Variants in CCDC178 observed in about 807,000 individuals in gnomAD.
CCDC178 encodes coiled-coil domain-containing protein 178.
A neutral mutation model predicts 117.4 loss-of-function variants in CCDC178; 126 were observed. The ratio of observed to expected loss-of-function variants is 1.07; its 90% confidence interval spans 0.93 to 1.24. The LOEUF is 1.24. CCDC178 is among the 50% of genes most tolerant of loss of function. CCDC178 has a pLI of 0.00. For missense variants in CCDC178, 1,030 were observed against 986.9 expected, an observed-to-expected ratio of 1.04 and a Z score of -0.59; for synonymous variants, 283 against 313.4, an observed-to-expected ratio of 0.90 and a Z score of 1.02.
At chr18:33,155,054 A>G (rs567976873) in intron 20 of CCDC178, among the ~76,000 whole-genome samples, 2 of 152,246 alleles carry the variant, frequency 1.3e-5, no homozygotes, top group South Asian at 4.1e-4. Flanking sequence ...GTGTCTAACA[A>G]TTGCAGAATA....
At chr18:33,094,691 G>T (rs781696117) in intron 20 of CCDC178, among the ~76,000 whole-genome samples, 21 of 151,872 alleles carry the variant, frequency 1.4e-4, no homozygotes, top group Non-Finnish European at 3.1e-4. Flanking sequence ...TTAATATGCA[G>T]TTTTATTTCT....
At chr18:33,285,148 C>T (rs980983480) in intron 12 of CCDC178, among the ~76,000 whole-genome samples, 79 of 151,768 alleles carry the variant, frequency 5.2e-4, no homozygotes, top group Non-Finnish European at 3.7e-4. Context: ...AGTGAAAATA[C>T]GTATACAATT....
chr18:33,362,883 C>T (rs2063149648), intron 6 of CCDC178, among the ~76,000 whole-genome samples: 1 of 151,856 alleles, frequency 6.6e-6, no homozygotes, highest in Admixed American at 6.6e-5. Context: ...TACGGAGTTG[C>T]TCACTTAAAA....
chr18:33,039,460 G>A (rs2056505355), intron 21 of CCDC178, among the ~76,000 whole-genome samples: 2 of 152,046 alleles, frequency 1.3e-5, no homozygotes, highest in East Asian at 3.9e-4. Context: ...GCAAGGCCAG[G>A]TCTAGAGCTC....
chr18:32,976,440 C>T (rs565163394), intron 21 of CCDC178, among the ~76,000 whole-genome samples: 152 of 152,012 alleles, frequency 1.0e-3, no homozygotes, highest in African/African-American at 3.4e-3. Context: ...GTAGCACTAG[C>T]CCTGTATTAC....
chr18:32,994,449 C>T (rs999328760), intron 21 of CCDC178, among the ~76,000 whole-genome samples: 2 of 152,074 alleles, frequency 1.3e-5, no homozygotes, highest in African/African-American at 2.4e-5. Flanking sequence ...TTTTTAATCT[C>T]CTTCTCTGGG....
At chr18:33,021,180 GA>G (rs1429066028) in intron 21 of CCDC178, among the ~76,000 whole-genome samples, 2 of 152,266 alleles carry the variant, frequency 1.3e-5, no homozygotes, top group East Asian at 3.9e-4. Flanking sequence ...GATGACTAAA[GA>G]AAACAAGCAA....
chr18:33,259,695 G>A (rs1038146997), intron 14 of CCDC178, among the ~76,000 whole-genome samples: 2 of 151,980 alleles, frequency 1.3e-5, no homozygotes, highest in African/African-American at 2.4e-5. Flanking sequence ...GATTCAAGAC[G>A]AGATTTGGGT....
In CCDC178 at chr18:33,323,888, T is replaced by TA. The variant is rs544926586; in HGVS notation, c.880-256dup. On this transcript the variant is annotated intron_variant, in intron 10 of 22. Coordinates refer to ENST00000383096, the MANE Select transcript of CCDC178 (RefSeq NM_001105528.4). ...AATGAAATCATTATCTCTTCACTCA[T>TA]AAAAAATTTTTATTACTCAAATAAT... is the stretch of plus-strand genomic sequence containing the variant. Among the ~76,000 whole-genome samples, 966 of 151,846 alleles carry TA rather than the reference T, an allele frequency of 6.4e-3. 8 individuals carry two copies. The highest frequency in any genetic ancestry group is 0.022 in the African/African-American group (918 of 41,540).
At chr18:33,136,699 A>C (rs951090192) in intron 20 of CCDC178, among the ~76,000 whole-genome samples, 15 of 152,196 alleles carry the variant, frequency 9.9e-5, no homozygotes, top group Non-Finnish European at 8.8e-5. Flanking sequence ...AGTAAAATTT[A>C]ATTTTACATT....
At chr18:33,004,660 C>T in intron 21 of CCDC178, among the ~76,000 whole-genome samples, 1 of 151,896 alleles carries the variant, frequency 6.6e-6, no homozygotes, top group Admixed American at 6.6e-5. Flanking sequence ...GCAAAGGAAA[C>T]AATCAAGTGA....
chr18:33,065,247 G>A (rs915306886), intron 21 of CCDC178, among the ~76,000 whole-genome samples: 5 of 152,108 alleles, frequency 3.3e-5, no homozygotes, highest in African/African-American at 1.2e-4. Flanking sequence ...TAGATGCTTT[G>A]TGTCCTCACC....
intron 14 of CCDC178, among the ~76,000 whole-genome samples, chr18:33,265,329 T>G (rs2059799417): frequency 1.3e-5 from 2 of 152,072 alleles, no homozygotes; most frequent in African/African-American, 4.8e-5. Flanking sequence ...CTCATGGATC[T>G]TCCCATTTTT....
chr18:33,277,823 CA>C (rs2059968412), intron 12 of CCDC178, among the ~76,000 whole-genome samples: 1 of 152,132 alleles, frequency 6.6e-6, no homozygotes, highest in African/African-American at 2.4e-5. Context: ...ATTACCATTA[CA>C]ATCCAGGATA....
chr18:33,247,835 T>G (rs572360872), intron 14 of CCDC178, among the ~76,000 whole-genome samples: 1 of 151,894 alleles, frequency 6.6e-6, no homozygotes, highest in Non-Finnish European at 1.5e-5. Context: ...GTGGGATGAA[T>G]GTGTGGTGTG....
intron 20 of CCDC178, among the ~76,000 whole-genome samples, chr18:33,155,286 G>A (rs1473809729): frequency 6.6e-6 from 1 of 151,802 alleles, no homozygotes; most frequent in East Asian, 1.9e-4. Context: ...GAAACTGAAT[G>A]GGAAATTTGA....
At chr18:33,428,722 C>T (rs1164907055) in intron 2 of CCDC178, among the ~76,000 whole-genome samples, 1 of 110,062 alleles carries the variant, frequency 9.1e-6, no homozygotes, top group Non-Finnish European at 1.7e-5. Context: ...CAGAGTGAGA[C>T]TCTGTCTCAA....
chr18:33,274,307 T>C (rs2059921885), intron 12 of CCDC178, among the ~76,000 whole-genome samples: 1 of 151,962 alleles, frequency 6.6e-6, no homozygotes, highest in Non-Finnish European at 1.5e-5. Flanking sequence ...ATCACTATGG[T>C]AATGTAAAAT....
At chr18:33,349,009 G>T in intron 7 of CCDC178, 34 bp from the exon 8 acceptor site, 1 of 1,399,102 alleles carries the variant, frequency 7.1e-7, no homozygotes, top group Non-Finnish European at 9.9e-7. Context: ...CAGTAAAGAA[G>T]TACTTAAAGT....
Sources: gnomAD v4.1 joint callset for allele counts (sites outside exome capture counted in the v4.1 genomes callset) on GRCh38, gnomAD v4.1.1 for gene constraint, MANE v1.5 for transcripts, NCBI Gene and HGNC (gene_info 2026-07-23, HGNC 2026-07-21) for gene names.